MAGI2: variants seen among roughly 807,000 people sequenced by gnomAD.
The protein encoded by MAGI2 is membrane associated guanylate kinase, WW and PDZ domain containing 2.
In MAGI2, 35 loss-of-function variants were observed where a neutral mutation model predicts 133.3. The ratio of observed to expected loss-of-function variants is 0.26; its 90% CI spans 0.20 to 0.35. MAGI2 has a LOEUF of 0.35. Ranked by LOEUF, MAGI2 falls within the 10% of genes least tolerant of loss-of-function variation. MAGI2 has a pLI of 1.00. For synonymous variants in MAGI2, 729 were observed against 710.6 expected (o/e 1.03, Z -0.41); for missense variants, 1,636 against 1,863.4 (o/e 0.88, Z 2.25).
At chr7:78,167,462 A>T (rs1338123747) in intron 15 of MAGI2, among the ~76,000 whole-genome samples, 1 of 152,180 alleles carries the variant, frequency 6.6e-6, no homozygotes, top group African/African-American at 2.4e-5. Flanking sequence ...TTTTTTCTAT[A>T]TCAGGAGCAA....
intron 1 of MAGI2, among the ~76,000 whole-genome samples, chr7:79,369,326 C>G (rs933839843): frequency 4.6e-5 from 7 of 152,288 alleles, no homozygotes; most frequent in Admixed American, 2.6e-4. Context: ...GCAGGCAAGT[C>G]TTTCTCAGTT....
At chr7:78,692,854 T>C (rs1322429947) in intron 2 of MAGI2, among the ~76,000 whole-genome samples, 1 of 152,226 alleles carries the variant, frequency 6.6e-6, no homozygotes, top group South Asian at 2.1e-4. Flanking sequence ...ATAAGATTAA[T>C]GAAGCCTTTG....
At chr7:78,873,444 C>G (rs1048365713) in intron 2 of MAGI2, among the ~76,000 whole-genome samples, 2 of 152,108 alleles carry the variant, frequency 1.3e-5, no homozygotes, top group East Asian at 1.9e-4. Flanking sequence ...AGCGTGAACC[C>G]TGTTGTGAAC....
chr7:78,302,948 C>T (rs1797957827), intron 9 of MAGI2, among the ~76,000 whole-genome samples: 1 of 152,116 alleles, frequency 6.6e-6, no homozygotes, highest in Non-Finnish European at 1.5e-5. Context: ...AGAGGCAATC[C>T]TAAGTATGTG....
At chr7:79,248,234 T>C (rs1414126627) in intron 1 of MAGI2, among the ~76,000 whole-genome samples, 5 of 152,070 alleles carry the variant, frequency 3.3e-5, no homozygotes, top group Admixed American at 2.6e-4. Flanking sequence ...TCAGACCAAA[T>C]TGATTTCAAG....
intron 20 of MAGI2, among the ~76,000 whole-genome samples, chr7:78,122,478 A>G (rs1025206099): frequency 4.6e-5 from 7 of 152,160 alleles, no homozygotes; most frequent in Non-Finnish European, 8.8e-5. Flanking sequence ...AGCCCATTGC[A>G]GGCAGACTTT....
intron 1 of MAGI2, among the ~76,000 whole-genome samples, chr7:79,024,888 C>T (rs1186901002): frequency 1.3e-5 from 2 of 151,978 alleles, no homozygotes; most frequent in African/African-American, 4.8e-5. Context: ...AAAGGGAACA[C>T]TTATGCATTG....
intron 1 of MAGI2, among the ~76,000 whole-genome samples, chr7:79,063,460 C>T (rs953949303): frequency 6.6e-6 from 1 of 152,076 alleles, no homozygotes. Flanking sequence ...AATTGACCCA[C>T]AGATTTTTCT....
At chr7:78,722,162 A>G (rs555791938) in intron 2 of MAGI2, among the ~76,000 whole-genome samples, 2 of 151,598 alleles carry the variant, frequency 1.3e-5, no homozygotes, top group South Asian at 4.2e-4. Flanking sequence ...CACATAATTC[A>G]TTACCTCATT....
intron 2 of MAGI2, among the ~76,000 whole-genome samples, chr7:78,852,814 T>C (rs1303730902): frequency 6.6e-6 from 1 of 152,042 alleles, no homozygotes; most frequent in Non-Finnish European, 1.5e-5. Flanking sequence ...GATTTAGCAG[T>C]GGAGGGTGGC....
chr7:78,031,239 A>G (rs1290113856), intron 21 of MAGI2, among the ~76,000 whole-genome samples: 1 of 152,226 alleles, frequency 6.6e-6, no homozygotes. Flanking sequence ...GGGGGATAAG[A>G]GAATTTTAGG....
rs1393527350 is a variant in MAGI2, at chr7:78,389,100, TAAATA to T, written c.1046-19892_1046-19888del. 5.3e-5 allele frequency among the ~76,000 whole-genome samples: 8 copies of T among 152,176 alleles called. No homozygotes were observed. In the East Asian group the frequency reaches 5.8e-4, roughly 11 times the overall value. Reference sequence around the variant, plus strand: ...CAAAGGATATTTTCCAGTTGGAAAATAAATAAAAGATGAAGAACATGAAAGCTACT... The same window carrying T: ...CAAAGGATATTTTCCAGTTGGAAAATAAAGATGAAGAACATGAAAGCTACT... On this transcript the variant is annotated intron_variant, in intron 6 of 21. Transcript: ENST00000354212.
intron 1 of MAGI2, among the ~76,000 whole-genome samples, chr7:79,288,380 A>G (rs937025979): frequency 6.6e-6 from 1 of 152,186 alleles, no homozygotes; most frequent in African/African-American, 2.4e-5. Flanking sequence ...TATTAACTAT[A>G]TATTATGAAC....
chr7:79,228,564 C>A (rs1831080541), intron 1 of MAGI2, among the ~76,000 whole-genome samples: 1 of 151,860 alleles, frequency 6.6e-6, no homozygotes, highest in Non-Finnish European at 1.5e-5. Flanking sequence ...TCTCCTAGCC[C>A]AGTTTTATGT....
At chr7:78,025,771 A>C (rs1056969219) in intron 21 of MAGI2, among the ~76,000 whole-genome samples, 3 of 152,174 alleles carry the variant, frequency 2.0e-5, no homozygotes, top group Non-Finnish European at 2.9e-5. Context: ...ACAGAAATAC[A>C]CTGGGAAGAG....
intron 6 of MAGI2, among the ~76,000 whole-genome samples, chr7:78,387,481 T>A (rs1795493796): frequency 6.6e-6 from 1 of 152,106 alleles, no homozygotes. Flanking sequence ...GACAGGGAAT[T>A]TGAACTTGAA....
At chr7:78,386,236 C>A (rs532409881) in intron 6 of MAGI2, among the ~76,000 whole-genome samples, 1 of 152,158 alleles carries the variant, frequency 6.6e-6, no homozygotes, top group Non-Finnish European at 1.5e-5. Flanking sequence ...ATTACTCTCT[C>A]CATACAGCAT....
chr7:79,252,873 T>G (rs757742436), intron 1 of MAGI2, among the ~76,000 whole-genome samples: 4 of 152,218 alleles, frequency 2.6e-5, no homozygotes, highest in Non-Finnish European at 4.4e-5. Context: ...AAAATATAGT[T>G]ACAAGCACTG....
intron 1 of MAGI2, among the ~76,000 whole-genome samples, chr7:79,278,997 A>G (rs924896126): frequency 2.0e-5 from 3 of 152,108 alleles, no homozygotes; most frequent in Non-Finnish European, 4.4e-5. Context: ...AGCTGAGACA[A>G]TTTAATGGCA....
Sources: allele counts gnomAD v4.1 joint callset (sites outside exome capture counted in the v4.1 genomes callset), GRCh38; gene constraint gnomAD v4.1.1; transcripts MANE v1.5; gene names NCBI Gene and HGNC (gene_info 2026-07-23, HGNC 2026-07-21).